The following PPP2R2C variants were observed in gnomAD, a reference collection of about 807,000 sequenced individuals.
PPP2R2C encodes protein phosphatase 2, regulatory subunit B, gamma.
In PPP2R2C, 10 loss-of-function variants were observed where a neutral mutation model predicts 45.3. The ratio of observed to expected loss-of-function variants is 0.22; its 90% CI spans 0.14 to 0.37. PPP2R2C has a LOEUF of 0.37. PPP2R2C is among the 10% of genes least tolerant of loss of function. The pLI is 1.00. For synonymous variants in PPP2R2C, 257 were observed against 245.4 expected (o/e 1.05, Z -0.44); for missense variants, 308 against 619.7 (o/e 0.50, Z 5.34).
chr4:6,513,587 C>T (rs1341806792), intron 2 of PPP2R2C, among the ~76,000 whole-genome samples: 1 of 152,220 alleles, frequency 6.6e-6, no homozygotes, highest in Admixed American at 6.5e-5. Flanking sequence ...TGTGCAGCTC[C>T]CTGATGAGCT....
intron 1 of PPP2R2C, among the ~76,000 whole-genome samples, chr4:6,404,491 T>A (rs1717657343): frequency 6.6e-6 from 1 of 152,178 alleles, no homozygotes; most frequent in African/African-American, 2.4e-5. Flanking sequence ...TTCCTACACT[T>A]GGTTGAACAT....
intron 6 of PPP2R2C, among the ~76,000 whole-genome samples, chr4:6,346,511 G>A (rs1711951581): frequency 6.6e-6 from 1 of 152,176 alleles, no homozygotes; most frequent in Admixed American, 6.5e-5. Flanking sequence ...CGTCAGGTGT[G>A]TGTTCACTGT....
chr4:6,534,919 G>A (rs1003588381), intron 2 of PPP2R2C, among the ~76,000 whole-genome samples: 3 of 152,212 alleles, frequency 2.0e-5, no homozygotes, highest in South Asian at 2.1e-4. Context: ...TGGCCACAGC[G>A]GGCACTCAAC....
intron 1 of PPP2R2C, among the ~76,000 whole-genome samples, chr4:6,410,869 ATTTATTT>A (rs1021841264): frequency 6.7e-6 from 1 of 148,378 alleles, no homozygotes; most frequent in African/African-American, 2.5e-5. Flanking sequence ...TTATTTATTT[ATTTATTT>A]ATTTATTTAT....
intron 1 of PPP2R2C, among the ~76,000 whole-genome samples, chr4:6,400,854 T>C (rs1287717185): frequency 6.6e-6 from 1 of 152,218 alleles, no homozygotes; most frequent in Non-Finnish European, 1.5e-5. Flanking sequence ...GGCTGGCTCC[T>C]CAAACCTCTC....
chr4:6,561,722 T>C (rs4346716), intron 1 of PPP2R2C, among the ~76,000 whole-genome samples: 80,763 of 151,790 alleles, frequency 0.53, 21,761 homozygotes, highest in African/African-American at 0.57. Flanking sequence ...CATACATGGA[T>C]ACATACACAC....
intron 6 of PPP2R2C, among the ~76,000 whole-genome samples, chr4:6,335,741 G>A (rs1238756251): frequency 6.6e-6 from 1 of 152,000 alleles, no homozygotes; most frequent in African/African-American, 2.4e-5. Context: ...GAGGTGAGGG[G>A]AGGTGAGAGG....
In PPP2R2C at chr4:6,381,030, G is replaced by C; in HGVS notation, c.135C>G (p.Gly45=). The change falls in exon 2 of 9, where the codon GGC becomes GGG. Residue 45 remains glycine, a synonymous_variant. Transcript: ENST00000382599. The part of the protein sequence containing the change: ...TGELLATGDK[G]GRVVIFQREP... ...CCCGCTGGAAGATGACGACCCGGCC[G>C]CCCTTGTCACCTGTGGCCAGCAGCT... 2 of 1,557,082 alleles carry C rather than the reference G, an allele frequency of 1.3e-6. No individual in the cohort carries two copies. Among genetic ancestry groups the C allele is most frequent in the Non-Finnish European group, 1.7e-6 (2 of 1,146,924 alleles).
At chr4:6,464,821 A>G (rs1403965079) in intron 1 of PPP2R2C, among the ~76,000 whole-genome samples, 1 of 151,370 alleles carries the variant, frequency 6.6e-6, no homozygotes, top group Non-Finnish European at 1.5e-5. Context: ...GGGGGTCTTC[A>G]CACACACAAA....
At chr4:6,524,378 T>C (rs2108816378) in intron 2 of PPP2R2C, among the ~76,000 whole-genome samples, 1 of 152,338 alleles carries the variant, frequency 6.6e-6, no homozygotes, top group Middle Eastern at 3.4e-3. Flanking sequence ...GACTCATGGT[T>C]GCCAGGGACT....
intron 2 of PPP2R2C, among the ~76,000 whole-genome samples, chr4:6,519,279 C>T (rs537031934): frequency 2.6e-5 from 4 of 152,294 alleles, no homozygotes; most frequent in South Asian, 2.1e-4. Context: ...ATGAGAGCCC[C>T]CACGGCACCT....
chr4:6,444,339 C>A lies in PPP2R2C; in HGVS notation c.70+27821G>T, dbSNP rs554281402. ...GTGGAGACAGGGATGGAGGGCCAGG[C>A]ACCGTGACCACTGTTTTCATACCCA... is the stretch of plus-strand genomic sequence containing the variant. On this transcript the variant is annotated intron_variant, in intron 1 of 8. Coordinates refer to ENST00000382599, the MANE Select transcript of PPP2R2C (RefSeq NM_020416.4). Among the ~76,000 whole-genome samples the A allele has an allele frequency of 1.8e-4, 28 of 152,280 alleles. 1 individual carries two copies. Among genetic ancestry groups the A allele is most frequent in the African/African-American group, 6.7e-4 (28 of 41,562 alleles).
At chr4:6,494,651 G>A (rs1053876850) in intron 2 of PPP2R2C, among the ~76,000 whole-genome samples, 1 of 152,156 alleles carries the variant, frequency 6.6e-6, no homozygotes, top group Non-Finnish European at 1.5e-5. Context: ...AGCACACGCG[G>A]CACGCCGTCC....
chr4:6,553,116 T>A (rs553497373), intron 1 of PPP2R2C, among the ~76,000 whole-genome samples: 1 of 152,306 alleles, frequency 6.6e-6, no homozygotes, highest in South Asian at 2.1e-4. Flanking sequence ...GGAAGAGAAC[T>A]GGGACCATGA....
At position 6,320,827 on chromosome 4, in the gene PPP2R2C, C is replaced by T. The variant is rs1174134594; in HGVS notation, c.*2475G>A. The T allele has an allele frequency of 1.4e-5, 2 of 141,028 alleles. No homozygotes were observed. Among genetic ancestry groups the T allele is most frequent in the Non-Finnish European group, 3.1e-5 (2 of 65,160 alleles). 8.7% of individuals were successfully genotyped at this position (141,028 alleles called of 1,614,324 possible). ...TAAATTAAAAACAAAACCAAAAAAA[C>T]CCCAACAACTTCACAATGACTATGT... On this transcript the variant is annotated 3_prime_UTR_variant, in exon 9 of 9. Coordinates refer to ENST00000382599, the MANE Select transcript of PPP2R2C (RefSeq NM_020416.4).
intron 1 of PPP2R2C, 112 bp downstream of exon 1, chr4:6,472,048 G>GAT: frequency 7.7e-7 from 1 of 1,303,872 alleles, no homozygotes; most frequent in Non-Finnish European, 1.1e-6. Context: ...GGTGGGGTGG[G>GAT]GCGGGGGGAC....
rs993630469 is a variant in PPP2R2C, at chr4:6,323,392, C to T, written c.1254G>A (p.Thr418=). The change falls in exon 9 of 9, where the codon ACG becomes ACA. Residue 418 remains threonine, a synonymous_variant. Coordinates refer to ENST00000382599, the MANE Select transcript of PPP2R2C (RefSeq NM_020416.4). ...TGATGTTCTCAGCCGGGTGCCAGGC[C>T]GTGTGCAGGATCTTCTTGGTGAAGT... ...SLDFTKKILH[T]AWHPAENIIA... The T allele has an allele frequency of 8.1e-6, 13 of 1,613,820 alleles. No homozygotes were observed. The highest frequency in any genetic ancestry group is 1.6e-4 in the Middle Eastern group (1 of 6,082).
At chr4:6,441,896 C>T (rs933764271) in intron 1 of PPP2R2C, among the ~76,000 whole-genome samples, 1 of 152,208 alleles carries the variant, frequency 6.6e-6, no homozygotes, top group Non-Finnish European at 1.5e-5. Flanking sequence ...AAATTAAATG[C>T]CTGGGGCATG....
intron 1 of PPP2R2C, among the ~76,000 whole-genome samples, chr4:6,388,198 G>A (rs1716365279): frequency 6.6e-6 from 1 of 152,148 alleles, no homozygotes; most frequent in Non-Finnish European, 1.5e-5. Flanking sequence ...AAGTGGAGAG[G>A]CACACAGGAG....
Sources: allele counts gnomAD v4.1 joint callset (sites outside exome capture counted in the v4.1 genomes callset), GRCh38; gene constraint gnomAD v4.1.1; transcripts MANE v1.5; gene names NCBI Gene and HGNC (gene_info 2026-07-23, HGNC 2026-07-21).